The following SNCAIP variants were observed in gnomAD, a reference collection of about 807,000 sequenced individuals.
SNCAIP encodes the protein synphilin-1.
SNCAIP carries 43 observed loss-of-function variants against 86.7 expected under a neutral mutation model. That is an observed-to-expected ratio of 0.50 (90% CI 0.39 to 0.64). SNCAIP has a LOEUF of 0.64. Among genes scored for constraint, SNCAIP ranks in the 30% least tolerant of loss-of-function variants. SNCAIP has a pLI of 0.00. For missense variants in SNCAIP, 981 were observed against 1,103.1 expected, an observed-to-expected ratio of 0.89 and a Z score of 1.57; for synonymous variants, 417 against 427.2, an observed-to-expected ratio of 0.98 and a Z score of 0.29.
intron 10 of SNCAIP, among the ~76,000 whole-genome samples, chr5:122,456,362 A>C (rs2153021790): frequency 6.6e-6 from 1 of 152,340 alleles, no homozygotes; most frequent in Middle Eastern, 3.4e-3. Flanking sequence ...CTTCGCCAGT[A>C]GTGAGATGAC....
At chr5:122,462,059 G>T (rs576578725) in intron 10 of SNCAIP, among the ~76,000 whole-genome samples, 2 of 152,258 alleles carry the variant, frequency 1.3e-5, no homozygotes, top group East Asian at 1.9e-4. Context: ...TAAAGGTGTC[G>T]CACTGTACAC....
intron 1 of SNCAIP, among the ~76,000 whole-genome samples, chr5:122,314,187 A>AT (rs2152640382): frequency 6.6e-6 from 1 of 152,324 alleles, no homozygotes; most frequent in Non-Finnish European, 1.5e-5. Context: ...TGTGCGTGCT[A>AT]TTGTTTTGGA....
Position 122,451,022 on chromosome 5 carries a change from C to T in SNCAIP, c.2175C>T (p.Thr725=), listed in dbSNP as rs764603333. 2.5e-6 allele frequency: 4 copies of T among 1,614,176 alleles called. No homozygotes were observed. The highest frequency in any genetic ancestry group is 2.2e-5 in the South Asian group (2 of 91,064). ...TGCACCTGATGATTAAGAAACACAC[C>T]TTGGCATCAGGGGGACGCAGGTTTC... ...ESLHLMIKKH[T]LASGGRRFPF... is the part of the protein sequence containing the mutation. The change falls in exon 10 of 11, where the codon ACC becomes ACT. Residue 725 remains threonine, a synonymous_variant. Transcript: ENST00000261368.
At chr5:122,318,774 G>C (rs1454042474) in intron 1 of SNCAIP, among the ~76,000 whole-genome samples, 2 of 152,094 alleles carry the variant, frequency 1.3e-5, no homozygotes, top group Admixed American at 1.3e-4. Flanking sequence ...CAGTGACCCA[G>C]AGTAAATCTC....
chr5:122,391,132 A>T lies in SNCAIP; in HGVS notation c.-3A>T. On this transcript the variant is annotated 5_prime_UTR_variant, in exon 2 of 11. Transcript: ENST00000261368. ...CCGTACTCAAAATGTGCAAGGAAGA[A>T]TAATGGAAGCCCCTGAATACCTTGA... is the stretch of plus-strand genomic sequence containing the variant. 1 of 1,609,440 alleles carries T rather than the reference A, an allele frequency of 6.2e-7. No individual in the cohort carries two copies. Among genetic ancestry groups the T allele is most frequent in the Non-Finnish European group, 8.5e-7 (1 of 1,175,744 alleles).
intron 1 of SNCAIP, among the ~76,000 whole-genome samples, chr5:122,349,452 G>C (rs543971729): frequency 1.3e-5 from 2 of 152,268 alleles, no homozygotes; most frequent in South Asian, 2.1e-4. Context: ...AATGAATATA[G>C]ATATGATTTG....
At chr5:122,424,680 G>T (rs1217645677) in intron 4 of SNCAIP, among the ~76,000 whole-genome samples, 1 of 151,882 alleles carries the variant, frequency 6.6e-6, no homozygotes. Context: ...ATTCTCTTTG[G>T]TTCATTCCTT....
intron 1 of SNCAIP, among the ~76,000 whole-genome samples, chr5:122,315,303 G>T (rs887795613): frequency 6.6e-6 from 1 of 152,128 alleles, no homozygotes; most frequent in Non-Finnish European, 1.5e-5. Context: ...GAGTGGCTGG[G>T]ATGTACCTCC....
intron 1 of SNCAIP, among the ~76,000 whole-genome samples, chr5:122,356,569 A>T (rs981073622): frequency 5.9e-5 from 9 of 152,186 alleles, no homozygotes; most frequent in African/African-American, 1.7e-4. Flanking sequence ...TAACATATTT[A>T]TAAGAGCTTT....
intron 8 of SNCAIP, chr5:122,445,021 T>G: frequency 2.2e-6 from 1 of 444,720 alleles, no homozygotes; most frequent in South Asian, 2.1e-5. Context: ...TGTTCACAAC[T>G]CAGGGCCAGA....
chr5:122,344,509 A>G (rs1443366532), intron 1 of SNCAIP, among the ~76,000 whole-genome samples: 1 of 152,154 alleles, frequency 6.6e-6, no homozygotes, highest in African/African-American at 2.4e-5. Flanking sequence ...TTCAGAGAGG[A>G]GAGGGCTTTG....
chr5:122,379,716 C>G (rs1309685314), intron 1 of SNCAIP, among the ~76,000 whole-genome samples: 1 of 151,332 alleles, frequency 6.6e-6, no homozygotes, highest in African/African-American at 2.4e-5. Context: ...TACGTCCCAT[C>G]AATACCTAAT....
intron 10 of SNCAIP, among the ~76,000 whole-genome samples, chr5:122,460,534 A>G (rs1379530291): frequency 1.3e-5 from 2 of 151,560 alleles, no homozygotes; most frequent in African/African-American, 4.8e-5. Context: ...TCTCTTTCCT[A>G]TCTCTCACAC....
In SNCAIP at chr5:122,451,131, C is replaced by G; in HGVS notation, c.2284C>G (p.Gln762Glu). ...SESSEPDLES[Q>E]YPGSGSIPPN... ...GAGCAGCGAACCAGACTTAGAATCC[C>G]AGTATCCAGGCTCAGGGAGTATTCC... The change falls in exon 10 of 11, where the codon CAG becomes GAG. Residue 762 changes from glutamine (Q) to glutamate (E), a missense_variant. Physicochemically the swap from Gln to Glu is conservative, Grantham distance 29. Transcript: ENST00000261368. 2 of 1,614,156 alleles carry G rather than the reference C, an allele frequency of 1.2e-6. No individual in the cohort carries two copies. The highest frequency in any genetic ancestry group is 1.7e-6 in the Non-Finnish European group (2 of 1,180,014).
At chr5:122,421,953 CACTT>C (rs569635526) in intron 3 of SNCAIP, among the ~76,000 whole-genome samples, 3 of 145,718 alleles carry the variant, frequency 2.1e-5, no homozygotes, top group Non-Finnish European at 4.5e-5. Flanking sequence ...CGCAACCAGA[CACTT>C]ACTCAAATGC....
At chr5:122,313,141 G>T (rs924186204) in intron 1 of SNCAIP, among the ~76,000 whole-genome samples, 1 of 152,242 alleles carries the variant, frequency 6.6e-6, no homozygotes, top group African/African-American at 2.4e-5. Flanking sequence ...TCAATGGACG[G>T]CTAGGAGGGG....
intron 1 of SNCAIP, among the ~76,000 whole-genome samples, chr5:122,320,697 T>G (rs555724959): frequency 1.4e-4 from 22 of 152,258 alleles, no homozygotes; most frequent in African/African-American, 5.3e-4. Flanking sequence ...GGCCAAGCAG[T>G]TAATCTCAGT....
rs79757283 is a variant in SNCAIP, at chr5:122,423,154, G to A, written c.417G>A (p.Ser139=). 3.2e-4 allele frequency: 509 copies of A among 1,614,124 alleles called. 3 individuals carry two copies. The East Asian group carries it at 9.3e-3, about 29-fold the overall frequency. The change falls in exon 4 of 11, where the codon TCG becomes TCA. Residue 139 remains serine, a synonymous_variant. Coordinates refer to ENST00000261368, the MANE Select transcript of SNCAIP (RefSeq NM_005460.4). ...PPGKSSEPST[S]LGELEHYDLD... ...GTAAGAGCTCTGAGCCCAGCACATC[G>A]CTGGGTGAACTGGAGCACTACGACC...
At chr5:122,387,722 G>C (rs1458601119) in intron 1 of SNCAIP, among the ~76,000 whole-genome samples, 1 of 152,150 alleles carries the variant, frequency 6.6e-6, no homozygotes, top group Non-Finnish European at 1.5e-5. Context: ...CCTTCCCCCA[G>C]TTGTAAAGTG....
Sources: gnomAD v4.1 joint callset for allele counts (sites outside exome capture counted in the v4.1 genomes callset) on GRCh38, gnomAD v4.1.1 for gene constraint, MANE v1.5 for transcripts, NCBI Gene and HGNC (gene_info 2026-07-23, HGNC 2026-07-21) for gene names.